The following ZBTB24 variants were observed in gnomAD, a reference collection of about 807,000 sequenced individuals.
ZBTB24 encodes the protein zinc finger and BTB domain containing 24.
Under a neutral mutation model 53.8 loss-of-function variants are expected in ZBTB24, and 32 were observed. The observed-to-expected ratio is 0.60, with a 90% CI of 0.45 to 0.80. The LOEUF (loss-of-function observed/expected upper bound fraction) is 0.80. ZBTB24 is among the 30% of genes least tolerant of loss of function. The pLI is 0.00. For synonymous variants in ZBTB24, 297 were observed against 306.7 expected (o/e 0.97, Z 0.33); for missense variants, 722 against 837.1 (o/e 0.86, Z 1.70).
rs985626221 is a variant in ZBTB24, at chr6:109,464,390, T to C, written c.*1461A>G. The C allele has an allele frequency of 6.6e-6, 1 of 152,194 alleles. No individual in the cohort carries two copies. The highest frequency in any genetic ancestry group is 6.5e-5 in the Admixed American group (1 of 15,278). The allele number at this position is 152,194 out of a possible 1,614,324, so 9.4% of individuals were successfully genotyped here. On this transcript the variant is annotated 3_prime_UTR_variant, in exon 7 of 7. Coordinates refer to ENST00000230122, the MANE Select transcript of ZBTB24 (RefSeq NM_014797.3). ...ATCAAGGATGTCTAAAACAAAACAA[T>C]TGATGGAAAGGCTCTATTAATTTTA...
At chr6:109,476,493 C>T (rs952951658) in intron 3 of ZBTB24, among the ~76,000 whole-genome samples, 2 of 152,108 alleles carry the variant, frequency 1.3e-5, no homozygotes, top group East Asian at 1.9e-4. Context: ...TAAGTTTCCC[C>T]GAAAGGCGTT....
rs770978881 is a variant in ZBTB24 at position 109,466,396 on chromosome 6, G to C, written c.1549C>G (p.His517Asp). The change falls in exon 7 of 7, where the codon CAT becomes GAT. Residue 517 changes from histidine (H) to aspartate (D), a missense_variant. Coordinates refer to ENST00000230122, the MANE Select transcript of ZBTB24 (RefSeq NM_014797.3). ...AHLKIHSKEKHASDASSISGS... is the reference protein window; with the variant it reads ...AHLKIHSKEKDASDASSISGS... Reference sequence around the variant, plus strand: ...GAAATGCTGCTGGCATCTGAAGCATGCTTCTCCTTGCTATGAATTTTCAAG... The same window carrying C: ...GAAATGCTGCTGGCATCTGAAGCATCCTTCTCCTTGCTATGAATTTTCAAG... 2 of 1,614,052 alleles carry C rather than the reference G, an allele frequency of 1.2e-6. No homozygotes were observed. The highest frequency in any genetic ancestry group is 2.2e-5 in the South Asian group (2 of 91,094).
At chr6:109,473,146 G>A (rs1219009221) in intron 5 of ZBTB24, among the ~76,000 whole-genome samples, 1 of 152,064 alleles carries the variant, frequency 6.6e-6, no homozygotes, top group Non-Finnish European at 1.5e-5. Context: ...ACTGTTGAGG[G>A]GTACTTTAAA....
Position 109,464,400 on chromosome 6 carries a change from G to A in ZBTB24, c.*1451C>T, listed in dbSNP as rs926336267. Reference sequence around the variant, plus strand: ...TCTAAAACAAAACAATTGATGGAAAGGCTCTATTAATTTTAGAGTAGATTA... The same window carrying A: ...TCTAAAACAAAACAATTGATGGAAAAGCTCTATTAATTTTAGAGTAGATTA... On this transcript the variant is annotated 3_prime_UTR_variant, in exon 7 of 7. Coordinates refer to ENST00000230122, the MANE Select transcript of ZBTB24 (RefSeq NM_014797.3). 2.6e-5 allele frequency: 4 copies of A among 152,106 alleles called. No homozygotes were observed. Among genetic ancestry groups the A allele is most frequent in the Non-Finnish European group, 4.4e-5 (3 of 68,006 alleles). 9.4% of individuals were successfully genotyped at this position (152,106 alleles called of 1,614,324 possible).
intron 5 of ZBTB24, among the ~76,000 whole-genome samples, chr6:109,469,135 T>A (rs564173104): frequency 2.0e-5 from 3 of 152,316 alleles, no homozygotes; most frequent in Admixed American, 6.5e-5. Flanking sequence ...CATCTTTGCA[T>A]CATGAACTCT....
At chr6:109,476,598 C>T (rs932157344) in intron 3 of ZBTB24, among the ~76,000 whole-genome samples, 165 bp downstream of exon 3, 26 of 152,222 alleles carry the variant, frequency 1.7e-4, no homozygotes, top group African/African-American at 6.3e-4. Flanking sequence ...TTTAATGATC[C>T]GTGCAGAACT....
chr6:109,471,392 C>T (rs1018662289), intron 5 of ZBTB24, among the ~76,000 whole-genome samples: 10 of 152,198 alleles, frequency 6.6e-5, no homozygotes, highest in Admixed American at 6.5e-4. Flanking sequence ...GGAAGACCCC[C>T]AGGTCTCAAC....
At chr6:109,474,602 C>T (rs924276609) in intron 5 of ZBTB24, among the ~76,000 whole-genome samples, 15 of 152,006 alleles carry the variant, frequency 9.9e-5, no homozygotes, top group African/African-American at 2.2e-4. Context: ...GGCATGGTAG[C>T]GCACACCTAT....
intron 5 of ZBTB24, among the ~76,000 whole-genome samples, chr6:109,472,828 T>C (rs902328013): frequency 6.6e-6 from 1 of 152,172 alleles, no homozygotes; most frequent in African/African-American, 2.4e-5. Context: ...TTTTGCCTCC[T>C]CTTTCAACTC....
At chr6:109,467,957 G>GT (rs1052387520) in intron 5 of ZBTB24, among the ~76,000 whole-genome samples, 9 of 152,164 alleles carry the variant, frequency 5.9e-5, no homozygotes, top group Non-Finnish European at 1.0e-4. Flanking sequence ...CACAGAAATC[G>GT]TAAGGCATGG....
chr6:109,482,073 G>A lies in ZBTB24; in HGVS notation c.-28-19C>T. The A allele has an allele frequency of 1.3e-6, 2 of 1,562,590 alleles. No homozygotes were observed. The highest frequency in any genetic ancestry group is 1.7e-4 in the Middle Eastern group (1 of 5,950). ...GTTAAATCTGAAATAAGAAAACAAG[G>A]TTTAAAAAGGAGAAAGCACTGTCTA... On this transcript the variant is annotated intron_variant, in intron 1 of 6. Transcript: ENST00000230122.
intron 5 of ZBTB24, among the ~76,000 whole-genome samples, chr6:109,472,586 C>T (rs1776189110): frequency 6.6e-6 from 1 of 152,196 alleles, no homozygotes; most frequent in South Asian, 2.1e-4. Flanking sequence ...TCCTCCACCA[C>T]CGCTGTCTCC....
chr6:109,481,641 T>G lies in ZBTB24; in HGVS notation c.386A>C (p.Gln129Pro), dbSNP rs778386042. 4 of 1,614,248 alleles carry G rather than the reference T, an allele frequency of 2.5e-6. No individual in the cohort carries two copies. Among genetic ancestry groups the G allele is most frequent in the Non-Finnish European group, 3.4e-6 (4 of 1,180,048 alleles). ...YDLVKAYTDF[Q>P]NNHSSPKPTT... is the part of the protein sequence containing the mutation. ...TGGCTTTGGGGAGCTATGATTATTT[T>G]GGAAGTCTGTGTAAGCCTTTACCAG... The change falls in exon 2 of 7, where the codon CAA becomes CCA. Residue 129 changes from glutamine to proline, a missense_variant. Gln to Pro is a moderately conservative substitution (Grantham distance 76). Transcript: ENST00000230122.
intron 3 of ZBTB24, 75 bp from the exon 4 acceptor site, chr6:109,476,333 C>T (rs1036151439): frequency 1.3e-6 from 2 of 1,491,796 alleles, no homozygotes; most frequent in African/African-American, 1.4e-5. Flanking sequence ...AAGGTAAATA[C>T]TACAGTGGGT....
At chr6:109,470,326 C>T (rs1344655937) in intron 5 of ZBTB24, among the ~76,000 whole-genome samples, 1 of 151,786 alleles carries the variant, frequency 6.6e-6, no homozygotes. Flanking sequence ...ATCCCACCCA[C>T]CCAGGGTGAT....
intron 5 of ZBTB24, among the ~76,000 whole-genome samples, chr6:109,470,830 T>C (rs1776150379): frequency 6.6e-6 from 1 of 152,248 alleles, no homozygotes; most frequent in Non-Finnish European, 1.5e-5. Flanking sequence ...CAGACAAATC[T>C]GTTTATTTGC....
intron 2 of ZBTB24, among the ~76,000 whole-genome samples, chr6:109,477,676 G>A (rs952001606): frequency 1.3e-5 from 2 of 152,184 alleles, no homozygotes; most frequent in African/African-American, 4.8e-5. Flanking sequence ...CTTTGGATTA[G>A]GAGTTTCTAG....
chr6:109,473,906 A>C (rs1776221241), intron 5 of ZBTB24, among the ~76,000 whole-genome samples: 2 of 151,930 alleles, frequency 1.3e-5, no homozygotes, highest in African/African-American at 4.8e-5. Flanking sequence ...CTAACATGCC[A>C]AAACCCTGTC....
intron 3 of ZBTB24, 147 bp downstream of exon 3, chr6:109,476,616 G>A: frequency 1.8e-6 from 2 of 1,141,760 alleles, no homozygotes; most frequent in Non-Finnish European, 1.3e-6. Flanking sequence ...ACTCTAAACT[G>A]CACTCAGACA....
Sources: gnomAD v4.1 joint callset for allele counts (sites outside exome capture counted in the v4.1 genomes callset) on GRCh38, gnomAD v4.1.1 for gene constraint, MANE v1.5 for transcripts, NCBI Gene and HGNC (gene_info 2026-07-23, HGNC 2026-07-21) for gene names.